Variants in GABRB2 observed in about 807,000 individuals in gnomAD.
The protein encoded by GABRB2 is gamma-aminobutyric acid receptor subunit beta-2.
In GABRB2, 16 loss-of-function variants were observed where a neutral mutation model predicts 54.7. The ratio of observed to expected loss-of-function variants is 0.29; its 90% CI spans 0.20 to 0.44. The LOEUF (loss-of-function observed/expected upper bound fraction) is 0.44. Among genes scored for constraint, GABRB2 ranks in the 20% least tolerant of loss-of-function variants. The pLI is 1.00. For synonymous variants in GABRB2, 244 were observed against 233.8 expected (o/e 1.04, Z -0.40); for missense variants, 355 against 644.0 (o/e 0.55, Z 4.86).
intron 9 of GABRB2, among the ~76,000 whole-genome samples, chr5:161,318,195 TAA>T (rs1020583542): frequency 6.6e-6 from 1 of 151,936 alleles, no homozygotes; most frequent in African/African-American, 2.4e-5. Context: ...ATAAGATTGG[TAA>T]GAGAGAGAGA....
At chr5:161,503,101 AAAG>A (rs1295386436) in intron 3 of GABRB2, among the ~76,000 whole-genome samples, 3 of 152,132 alleles carry the variant, frequency 2.0e-5, no homozygotes, top group African/African-American at 7.2e-5. Flanking sequence ...ATAGTTGGTG[AAAG>A]AAGATCAAGA....
At chr5:161,523,544 G>A (rs959846505) in intron 3 of GABRB2, among the ~76,000 whole-genome samples, 3 of 150,986 alleles carry the variant, frequency 2.0e-5, no homozygotes, top group Admixed American at 6.6e-5. Context: ...ATGTAAGAAA[G>A]TTAAGGTTAA....
At chr5:161,503,461 T>C (rs1759508268) in intron 3 of GABRB2, among the ~76,000 whole-genome samples, 1 of 151,824 alleles carries the variant, frequency 6.6e-6, no homozygotes, top group African/African-American at 2.4e-5. Flanking sequence ...AAAAGTAAAA[T>C]GTATTGGGAG....
chr5:161,440,076 AAAAC>A (rs1167135520), intron 4 of GABRB2, among the ~76,000 whole-genome samples: 5 of 150,740 alleles, frequency 3.3e-5, no homozygotes, highest in Non-Finnish European at 5.9e-5. Flanking sequence ...AAAAAAAAAA[AAAAC>A]AAAACACATA....
chr5:161,311,181 G>C (rs1016471639), intron 9 of GABRB2, among the ~76,000 whole-genome samples: 6 of 152,086 alleles, frequency 3.9e-5, no homozygotes, highest in Admixed American at 6.5e-5. Flanking sequence ...GACATACCAG[G>C]CATGGACTTC....
intron 9 of GABRB2, among the ~76,000 whole-genome samples, chr5:161,313,966 T>G (rs1309723455): frequency 6.6e-6 from 1 of 152,240 alleles, no homozygotes; most frequent in Non-Finnish European, 1.5e-5. Flanking sequence ...ACATTGGTGA[T>G]GTGCCTCCCA....
At chr5:161,488,511 G>A (rs1422262263) in intron 3 of GABRB2, among the ~76,000 whole-genome samples, 1 of 151,706 alleles carries the variant, frequency 6.6e-6, no homozygotes, top group African/African-American at 2.4e-5. Flanking sequence ...AGATACTTAT[G>A]AAACCTCTAG....
chr5:161,543,904 T>C (rs1561688642), intron 3 of GABRB2, among the ~76,000 whole-genome samples: 1 of 152,198 alleles, frequency 6.6e-6, no homozygotes. Flanking sequence ...TGATAAAAAC[T>C]TTCTCTAAAT....
intron 5 of GABRB2, among the ~76,000 whole-genome samples, chr5:161,337,285 A>G (rs1002860561): frequency 6.6e-6 from 1 of 152,180 alleles, no homozygotes; most frequent in Non-Finnish European, 1.5e-5. Flanking sequence ...ATTACAATAC[A>G]TTTGAATTTC....
intron 3 of GABRB2, among the ~76,000 whole-genome samples, chr5:161,473,537 G>A (rs1418351257): frequency 6.6e-6 from 1 of 151,972 alleles, no homozygotes; most frequent in Non-Finnish European, 1.5e-5. Context: ...CCAAGTGGGA[G>A]TAATTTTGTT....
chr5:161,432,347 G>C (rs1352725325), intron 4 of GABRB2, among the ~76,000 whole-genome samples: 1 of 152,200 alleles, frequency 6.6e-6, no homozygotes, highest in Non-Finnish European at 1.5e-5. Flanking sequence ...ACATATAAGA[G>C]TGTTTTGGAA....
In GABRB2 at chr5:161,546,577, A is replaced by C; in HGVS notation, c.67T>G (p.Cys23Gly). 1 of 1,598,698 alleles carries C rather than the reference A, an allele frequency of 6.3e-7. No individual in the cohort carries two copies. Among genetic ancestry groups the C allele is most frequent in the South Asian group, 1.1e-5 (1 of 88,494 alleles). The change falls in exon 1 of 10, where the codon TGT (cysteine) becomes GGT (glycine). Residue 23 changes from cysteine to glycine, a missense_variant. By Grantham distance (159) the Cys-to-Gly change is radical. This residue lies in a region of GABRB2 where 42 missense variants were observed against 43.0 expected (regional missense o/e 0.98). Transcript: ENST00000393959. ...WSFPLIIAAVCAQSVNDPSNM... is the reference protein window; with the variant it reads ...WSFPLIIAAVGAQSVNDPSNM... ...GCTGGGCACACTTACCTCTGCGCAC[A>C]GACAGCGGCGATTATTAAGGGGAAG...
upstream of GABRB2, chr5:161,546,827 G>T: frequency 7.9e-7 from 1 of 1,267,542 alleles, no homozygotes; most frequent in Non-Finnish European, 1.0e-6. Flanking sequence ...AAATTAAAAG[G>T]GAAAAAGGAA....
intron 4 of GABRB2, 63 bp downstream of exon 4, chr5:161,459,561 C>T: frequency 7.7e-7 from 1 of 1,294,502 alleles, no homozygotes; most frequent in Non-Finnish European, 1.1e-6. Flanking sequence ...ATATTTCCAT[C>T]CAATGAAAAT....
chr5:161,489,678 C>T lies in GABRB2; in HGVS notation c.238-29834G>A, dbSNP rs1195844652. 2.0e-5 allele frequency among the ~76,000 whole-genome samples: 3 copies of T among 151,552 alleles called. No homozygotes were observed. The East Asian group carries it at 5.8e-4, about 29-fold the overall frequency. The stretch of plus-strand genomic sequence containing the variant: ...GCTGCCATGTAGGTCTTTTTCTGCA[C>T]AGCAAGTTAAATGAACTGCATTGAG... On this transcript the variant is annotated intron_variant, in intron 3 of 9. Coordinates refer to ENST00000393959, the MANE Select transcript of GABRB2 (RefSeq NM_001371727.1).
chr5:161,311,917 G>A (rs1488420610), intron 9 of GABRB2, among the ~76,000 whole-genome samples: 1 of 152,156 alleles, frequency 6.6e-6, no homozygotes, highest in South Asian at 2.1e-4. Flanking sequence ...TAAAACAGGT[G>A]TTACAGGGAA....
chr5:161,374,303 T>C (rs1283228900), intron 5 of GABRB2, among the ~76,000 whole-genome samples: 9 of 152,184 alleles, frequency 5.9e-5, no homozygotes. Context: ...ATATTTCATC[T>C]AGCATCACCT....
At chr5:161,329,529 T>G (rs1172121712) in intron 8 of GABRB2, 1 of 152,186 alleles carries the variant, frequency 6.6e-6, no homozygotes, top group Non-Finnish European at 1.5e-5. Flanking sequence ...AACCAAATAT[T>G]AGACCTATGG....
chr5:161,342,148 A>G (rs1270156458), intron 5 of GABRB2, among the ~76,000 whole-genome samples: 1 of 151,630 alleles, frequency 6.6e-6, no homozygotes, highest in Non-Finnish European at 1.5e-5. Flanking sequence ...CCAATTGGCA[A>G]TCAATGAGAA....
Sources: allele counts gnomAD v4.1 joint callset (sites outside exome capture counted in the v4.1 genomes callset), GRCh38; gene constraint gnomAD v4.1.1; regional missense constraint gnomAD v4.1.1; transcripts MANE v1.5; gene names NCBI Gene and HGNC (gene_info 2026-07-23, HGNC 2026-07-21).